Variants in AOX1 observed in about 807,000 individuals in gnomAD.
The protein encoded by AOX1 is aldehyde oxidase.
In AOX1, 153 loss-of-function variants were observed where a neutral mutation model predicts 169.5. That is an observed-to-expected ratio of 0.90 (90% CI 0.79 to 1.03). AOX1 has a LOEUF of 1.03. Among genes scored for constraint, AOX1 ranks in the 50% least tolerant of loss-of-function variants. The probability of loss-of-function intolerance (pLI) is 0.00; values close to 1 mark genes in which losing one functional copy is unlikely to be tolerated. For synonymous variants in AOX1, 562 were observed against 581.9 expected (o/e 0.97, Z 0.49); for missense variants, 1,656 against 1,663.9 (o/e 1.00, Z 0.08).
chr2:200,644,208 A>G (rs765944218), intron 25 of AOX1, among the ~76,000 whole-genome samples: 2 of 152,252 alleles, frequency 1.3e-5, no homozygotes, highest in Non-Finnish European at 1.5e-5. Context: ...TCTTAGGTTT[A>G]AGTCCTTAAT....
chr2:200,680,604 G>A (rs2348110), downstream of AOX1, among the ~76,000 whole-genome samples: 58,103 of 151,924 alleles, frequency 0.38, 11,316 homozygotes, highest in East Asian at 0.55. Context: ...GGAGTGCAGT[G>A]GTGCGATCTT....
chr2:200,676,953 C>G (rs536286004), exon 5 of AOX1: 131 of 470,268 alleles, frequency 2.8e-4, no homozygotes, highest in African/African-American at 2.5e-3. Context: ...TCAGCCAATG[C>G]TGGTGGCATA....
At chr2:200,617,001 G>A (rs1039449329) in intron 16 of AOX1, among the ~76,000 whole-genome samples, 1 of 151,978 alleles carries the variant, frequency 6.6e-6, no homozygotes, top group Non-Finnish European at 1.5e-5. Context: ...CCATCTCCCC[G>A]GTGTTCTTTT....
Position 200,627,404 on chromosome 2 carries a change from G to A in AOX1, c.2176G>A (p.Gly726Arg). Residue 726 changes from glycine (G) to arginine (R), a missense_variant, in exon 20 of 35, where the codon GGA (glycine) becomes AGA (arginine). Physicochemically the swap from Gly to Arg is moderately radical, Grantham distance 125. Transcript: ENST00000374700. ...SFKPERKLEYGNVDEAFKVVD... is the reference protein window; with the variant it reads ...SFKPERKLEYRNVDEAFKVVD... ...CAAGCCAGAAAGGAAACTGGAATATGGAAATGTTGACGAAGCATTTAAAGT... is the reference window on the plus strand; with the variant it reads ...CAAGCCAGAAAGGAAACTGGAATATAGAAATGTTGACGAAGCATTTAAAGT... 6.2e-7 allele frequency: 1 copy of A among 1,613,886 alleles called. No homozygotes were observed.
downstream of AOX1, among the ~76,000 whole-genome samples, chr2:200,672,145 C>A (rs1361516115): frequency 6.6e-6 from 1 of 152,156 alleles, no homozygotes; most frequent in African/African-American, 2.4e-5. Context: ...GCTGCTGGGA[C>A]CACAGACTGC....
intron 22 of AOX1, 84 bp from the exon 23 acceptor site, chr2:200,638,131 A>T: frequency 8.1e-7 from 1 of 1,235,530 alleles, no homozygotes; most frequent in Non-Finnish European, 1.2e-6. Flanking sequence ...GGCTCCACTC[A>T]GGCTCTTGCC....
rs540927809 is a variant in AOX1 at position 200,647,904 on chromosome 2, T to G, written c.2848-3070T>G. ...CTGAGACTTTCCAGAGCATTTTGCATTTCTAAAAGTGTATCCAAAGTTTCC... is the reference window on the plus strand; with the variant it reads ...CTGAGACTTTCCAGAGCATTTTGCAGTTCTAAAAGTGTATCCAAAGTTTCC... On this transcript the variant is annotated intron_variant, in intron 25 of 34. Coordinates refer to ENST00000374700, the MANE Select transcript of AOX1 (RefSeq NM_001159.4). Among the ~76,000 whole-genome samples, 24 of 151,800 alleles carry G rather than the reference T, an allele frequency of 1.6e-4. No individual in the cohort carries two copies. The East Asian group carries it at 4.5e-3, about 29-fold the overall frequency.
intron 1 of AOX1, 74 bp from the exon 2 acceptor site, chr2:200,593,072 A>G: frequency 5.0e-6 from 6 of 1,189,202 alleles, no homozygotes; most frequent in Non-Finnish European, 7.5e-6. Flanking sequence ...CATTTCCCTC[A>G]AATTAGTGTG....
chr2:200,648,712 G>A (rs559117932), intron 25 of AOX1, among the ~76,000 whole-genome samples: 7 of 152,174 alleles, frequency 4.6e-5, no homozygotes, highest in Non-Finnish European at 5.9e-5. Context: ...ATCAGGTGGG[G>A]GCAGGGCTAG....
intron 25 of AOX1, among the ~76,000 whole-genome samples, chr2:200,645,102 T>G (rs892539051): frequency 1.3e-5 from 2 of 152,100 alleles, no homozygotes; most frequent in African/African-American, 4.8e-5. Context: ...GTGGTGAGAG[T>G]GGGCCTCCTT....
In AOX1 at chr2:200,647,996, T is replaced by A. The variant is rs570624835; in HGVS notation, c.2848-2978T>A. On this transcript the variant is annotated intron_variant, in intron 25 of 34. Coordinates refer to ENST00000374700, the MANE Select transcript of AOX1 (RefSeq NM_001159.4). ...TTGAATATTTCTCCCTAACTTCTTG[T>A]AACTTTTTTAAAATTTCTTTGAATT... Among the ~76,000 whole-genome samples, 23 of 152,354 alleles carry A rather than the reference T, an allele frequency of 1.5e-4. No homozygotes were observed. The South Asian group carries it at 4.6e-3, about 30-fold the overall frequency.
intron 3 of AOX1, 47 bp from the exon 4 acceptor site, chr2:200,597,350 G>T: frequency 2.8e-6 from 4 of 1,421,944 alleles, no homozygotes; most frequent in Non-Finnish European, 3.9e-6. Flanking sequence ...CTTTCCCACT[G>T]TATGCGACAT....
chr2:200,653,214 C>A (rs941164207), intron 26 of AOX1, among the ~76,000 whole-genome samples: 2 of 152,164 alleles, frequency 1.3e-5, no homozygotes, highest in African/African-American at 4.8e-5. Context: ...AACTAGGCAA[C>A]AGCCAGCAGT....
rs76564086 is a variant in AOX1, at chr2:200,662,879, G to T, written c.3453G>T (p.Trp1151Cys). Reference sequence around the variant, plus strand: ...GAGGTTATGAGTCAGACATGAACTGGGAGAAAGGCGAAGGCCAGCCCTTCG... The same window carrying T: ...GAGGTTATGAGTCAGACATGAACTGTGAGAAAGGCGAAGGCCAGCCCTTCG... The part of the protein sequence containing the change: ...YFRGYESDMN[W>C]EKGEGQPFEY... The change falls in exon 31 of 35, where the codon TGG (tryptophan) becomes TGT (cysteine). Residue 1151 changes from tryptophan to cysteine, a missense_variant. Physicochemically the swap from Trp to Cys is radical, Grantham distance 215 (BLOSUM62 -2). Coordinates refer to ENST00000374700, the MANE Select transcript of AOX1 (RefSeq NM_001159.4). 1 of 1,614,010 alleles carries T rather than the reference G, an allele frequency of 6.2e-7. No individual in the cohort carries two copies. Among genetic ancestry groups the T allele is most frequent in the Non-Finnish European group, 8.5e-7 (1 of 1,179,918 alleles).
At chr2:200,621,640 C>G (rs560054834) in intron 18 of AOX1, among the ~76,000 whole-genome samples, 46 of 150,194 alleles carry the variant, frequency 3.1e-4, no homozygotes, top group Non-Finnish European at 5.9e-4. Flanking sequence ...CACCATGAAG[C>G]CTTTTTTCTC....
downstream of AOX1, chr2:200,677,172 A>G (rs1408099123): frequency 6.2e-6 from 2 of 320,092 alleles, no homozygotes; most frequent in Admixed American, 4.5e-5. Flanking sequence ...ACCTATAACA[A>G]TCTGTATCTG....
intron 3 of AOX1, among the ~76,000 whole-genome samples, chr2:200,596,278 G>C (rs1406725469): frequency 6.6e-6 from 1 of 152,188 alleles, no homozygotes; most frequent in Non-Finnish European, 1.5e-5. Flanking sequence ...TAGTTCATGA[G>C]GGATTTCTCT....
Position 200,597,399 on chromosome 2 carries a change from A to C in AOX1, c.203A>C (p.His68Pro), listed in dbSNP as rs1472892914. Reference protein sequence around the residue: ...RYNPITKRIRHHPANACLIPI... With the variant: ...RYNPITKRIRPHPANACLIPI... Reference sequence around the variant, plus strand: ...TGCTTTTCTTTTGCATTCTGAAGGCATCACCCAGCCAATGCCTGTCTGATT... The same window carrying C: ...TGCTTTTCTTTTGCATTCTGAAGGCCTCACCCAGCCAATGCCTGTCTGATT... The change falls in exon 4 of 35, where the codon CAT (histidine) becomes CCT (proline). Residue 68 changes from histidine (H) to proline (P), a missense_variant and splice_region_variant. His to Pro is a moderately conservative substitution (Grantham distance 77). Transcript: ENST00000374700. 1.2e-6 allele frequency: 2 copies of C among 1,602,378 alleles called. No homozygotes were observed. Among genetic ancestry groups the C allele is most frequent in the Non-Finnish European group, 1.7e-6 (2 of 1,173,938 alleles).
chr2:200,622,372 C>T (rs2034904814), intron 18 of AOX1, among the ~76,000 whole-genome samples: 1 of 152,196 alleles, frequency 6.6e-6, no homozygotes, highest in Non-Finnish European at 1.5e-5. Flanking sequence ...AAAACTTTGG[C>T]TACAGCAAGA....
Sources: gnomAD v4.1 joint callset for allele counts (sites outside exome capture counted in the v4.1 genomes callset) on GRCh38, gnomAD v4.1.1 for gene constraint, MANE v1.5 for transcripts, NCBI Gene and HGNC (gene_info 2026-07-23, HGNC 2026-07-21) for gene names.